Variants in NAV1 observed in about 807,000 individuals in gnomAD.
The protein encoded by NAV1 is neuron navigator 1, also known as pore membrane and/or filament interacting like protein 3.
In NAV1, 18 loss-of-function variants were observed where a neutral mutation model predicts 175.2. The ratio of observed to expected loss-of-function variants is 0.10; its 90% CI spans 0.07 to 0.15. The LOEUF is 0.15. Among genes scored for constraint, NAV1 ranks in the 10% least tolerant of loss-of-function variants. The probability of loss-of-function intolerance (pLI) is 1.00; values close to 1 mark genes in which losing one functional copy is unlikely to be tolerated. For missense variants in NAV1, 1,731 were observed against 2,436.6 expected (o/e 0.71, Z 6.10); for synonymous variants, 897 against 978.7 (o/e 0.92, Z 1.56).
At chr1:201,623,968 C>T (rs1668250817) in intron 1 of NAV1, among the ~76,000 whole-genome samples, 1 of 152,226 alleles carries the variant, frequency 6.6e-6, no homozygotes, top group Non-Finnish European at 1.5e-5. Flanking sequence ...TAGGCAGTGT[C>T]AGTCTCACCC....
chr1:201,663,482 G>A (rs541902224), intron 1 of NAV1, among the ~76,000 whole-genome samples: 1 of 152,128 alleles, frequency 6.6e-6, no homozygotes, highest in Non-Finnish European at 1.5e-5. Context: ...CCTTGGATTT[G>A]TCATTTCCCT....
At chr1:201,752,579 G>A (rs2102600893) in intron 3 of NAV1, among the ~76,000 whole-genome samples, 2 of 151,062 alleles carry the variant, frequency 1.3e-5, no homozygotes, top group Non-Finnish European at 1.5e-5. Context: ...CTTAGACAAA[G>A]TGCTAAGAAG....
At chr1:201,629,564 G>T in intron 2 of NAV1, 57 bp downstream of exon 4, 1 of 1,165,966 alleles carries the variant, frequency 8.6e-7, no homozygotes, top group African/African-American at 1.6e-5. Flanking sequence ...TGCTAGAGCT[G>T]CCTAGATGGA....
rs368937392 is a variant in NAV1, at chr1:201,817,157, G to T, written c.5410G>T (p.Ala1804Ser). The change falls in exon 29 of 30, where the codon GCC becomes TCC. Residue 1804 changes from alanine to serine, a missense_variant. Physicochemically the swap from Ala to Ser is moderately conservative, Grantham distance 99. This residue lies in a region of NAV1 where 30 missense variants were observed against 97.3 expected (regional missense o/e 0.31). Coordinates refer to ENST00000367296, the Ensembl canonical transcript of NAV1. Reference sequence around the variant, plus strand: ...CCGGGACACACTTCCCTGGCCATCAGCCCAACAAGACCAATCAAAGCTGTA... The same window carrying T: ...CCGGGACACACTTCCCTGGCCATCATCCCAACAAGACCAATCAAAGCTGTA... The T allele has an allele frequency of 2.7e-5, 43 of 1,614,116 alleles. No individual in the cohort carries two copies. In the African/African-American group the frequency reaches 4.8e-4, roughly 18 times the overall value.
At chr1:201,546,485 G>A (rs747962910) in intron 1 of NAV1, among the ~76,000 whole-genome samples, 1 of 152,298 alleles carries the variant, frequency 6.6e-6, no homozygotes, top group African/African-American at 2.4e-5. Flanking sequence ...TTTGAAAACC[G>A]TCAGATAAGT....
At chr1:201,816,833 T>TA (rs1220248023) in intron 28 of NAV1, 16 of 461,710 alleles carry the variant, frequency 3.5e-5, no homozygotes, top group African/African-American at 2.6e-4. Context: ...ATGGCTAATT[T>TA]TTTTTTTCTT....
In NAV1 at chr1:201,623,625, A is replaced by G; in HGVS notation, c.-101+19A>G. 1.0e-6 allele frequency: 1 copy of G among 986,370 alleles called. No individual in the cohort carries two copies. The highest frequency in any genetic ancestry group is 1.2e-6 in the Non-Finnish European group (1 of 830,308). The allele number at this position is 986,370 out of a possible 1,614,324, so 61.1% of individuals were successfully genotyped here. Reference sequence around the variant, plus strand: ...AGTACAGGTGAGCTGGGGAGCAGGCAGGGAGGGAAGGGGGAAGAGCCATGC... The same window carrying G: ...AGTACAGGTGAGCTGGGGAGCAGGCGGGGAGGGAAGGGGGAAGAGCCATGC... On this transcript the variant is annotated intron_variant, in intron 1 of 29. Transcript: ENST00000367302.
intron 3 of NAV1, among the ~76,000 whole-genome samples, chr1:201,729,605 C>T (rs1672759438): frequency 6.6e-6 from 1 of 150,868 alleles, no homozygotes; most frequent in African/African-American, 2.4e-5. Context: ...CGGACTCCAT[C>T]TTAAAAAATA....
At chr1:201,781,482 T>G (rs1676321146) in intron 5 of NAV1, among the ~76,000 whole-genome samples, 173 bp downstream of exon 9, 1 of 152,252 alleles carries the variant, frequency 6.6e-6, no homozygotes, top group Non-Finnish European at 1.5e-5. Context: ...TGGGTGTTAT[T>G]ATTTCCATTT....
intron 1 of NAV1, among the ~76,000 whole-genome samples, chr1:201,574,566 G>A (rs1234049265): frequency 6.6e-6 from 1 of 152,186 alleles, no homozygotes; most frequent in African/African-American, 2.4e-5. Flanking sequence ...AAAAGAGCTT[G>A]TTGGATATCC....
At chr1:201,765,251 ATAAC>A (rs1445392587) in intron 3 of NAV1, among the ~76,000 whole-genome samples, 1 of 152,194 alleles carries the variant, frequency 6.6e-6, no homozygotes, top group African/African-American at 2.4e-5. Context: ...GTCAGTCACT[ATAAC>A]TGAGTGACTT....
intron 2 of NAV1, among the ~76,000 whole-genome samples, chr1:201,638,906 G>A (rs1303738035): frequency 6.6e-6 from 1 of 152,162 alleles, no homozygotes; most frequent in Non-Finnish European, 1.5e-5. Flanking sequence ...CCTATGTAGG[G>A]CACTTAACAA....
intron 1 of NAV1, among the ~76,000 whole-genome samples, chr1:201,703,838 G>A (rs1407233846): frequency 6.6e-6 from 1 of 152,188 alleles, no homozygotes; most frequent in Non-Finnish European, 1.5e-5. Flanking sequence ...GAAAGGGTCA[G>A]CCTGGGTGTG....
At chr1:201,710,290 T>G (rs1671850896) in intron 1 of NAV1, among the ~76,000 whole-genome samples, 1 of 149,158 alleles carries the variant, frequency 6.7e-6, no homozygotes, top group African/African-American at 2.6e-5. Flanking sequence ...AAGCATCTTC[T>G]TTGTTTTTTT....
chr1:201,744,532 A>G (rs1397763013), intron 3 of NAV1, among the ~76,000 whole-genome samples: 1 of 152,094 alleles, frequency 6.6e-6, no homozygotes, highest in Non-Finnish European at 1.5e-5. Flanking sequence ...ATTTCAAACC[A>G]TGAGAAATAT....
upstream of NAV1, among the ~76,000 whole-genome samples, chr1:201,620,453 C>CTTTTTTT (rs71861939): frequency 3.9e-3 from 365 of 94,530 alleles, 29 homozygotes; most frequent in East Asian, 0.024. Flanking sequence ...GACATATACT[C>CTTTTTTT]TTTTTTTTTT....
intron 1 of NAV1, among the ~76,000 whole-genome samples, chr1:201,580,534 A>T (rs1347672978): frequency 6.6e-6 from 1 of 152,192 alleles, no homozygotes; most frequent in Non-Finnish European, 1.5e-5. Flanking sequence ...CCACTTTGGG[A>T]GGCTGAGGCG....
At chr1:201,711,454 G>A (rs1057074419) in intron 1 of NAV1, among the ~76,000 whole-genome samples, 3 of 152,246 alleles carry the variant, frequency 2.0e-5, no homozygotes, top group Admixed American at 6.5e-5. Context: ...TAGTCTTGGG[G>A]GAATAAAAAC....
chr1:201,540,779 C>A (rs943637110), intron 1 of NAV1, among the ~76,000 whole-genome samples: 1 of 152,210 alleles, frequency 6.6e-6, no homozygotes, highest in Non-Finnish European at 1.5e-5. Context: ...AGTTTTCAAT[C>A]ATCAGTTTGT....
Sources: allele counts gnomAD v4.1 joint callset (sites outside exome capture counted in the v4.1 genomes callset), GRCh38; gene constraint gnomAD v4.1.1; regional missense constraint gnomAD v4.1.1; transcripts MANE v1.5; gene names NCBI Gene and HGNC (gene_info 2026-07-23, HGNC 2026-07-21).